ASH2L: variants seen among roughly 807,000 people sequenced by gnomAD.
ASH2L encodes the protein set1/Ash2 histone methyltransferase complex subunit ASH2.
ASH2L carries 30 observed loss-of-function variants against 81.1 expected under a neutral mutation model. The observed-to-expected ratio is 0.37, with a 90% CI of 0.28 to 0.50. The LOEUF (loss-of-function observed/expected upper bound fraction) is 0.50, where lower values mean the gene tolerates loss of function less well. Ranked by LOEUF, ASH2L falls within the 20% of genes least tolerant of loss-of-function variation. The pLI is 0.95. For missense variants in ASH2L, 559 were observed against 792.1 expected (o/e 0.71, Z 3.53); for synonymous variants, 273 against 279.9 (o/e 0.98, Z 0.24).
In ASH2L at chr8:38,121,113, T is replaced by G; in HGVS notation, c.1129T>G (p.Leu377Val). Residue 377 changes from leucine (L) to valine (V), a missense_variant, in exon 10 of 16, where the codon TTG becomes GTG. Leu to Val is a conservative substitution (Grantham distance 32). Coordinates refer to ENST00000343823, the MANE Select transcript of ASH2L (RefSeq NM_004674.5). ...PIPGDLYRAC[L>V]YERVLLALHD... ...TCCTGGAGACCTCTACAGAGCCTGC[T>G]TGTATGAACGGGTTTTGTTAGCCCT... 1 of 1,613,648 alleles carries G rather than the reference T, an allele frequency of 6.2e-7. No homozygotes were observed. Among genetic ancestry groups the G allele is most frequent in the Non-Finnish European group, 8.5e-7 (1 of 1,179,900 alleles).
chr8:38,105,869 G>A, intron 1 of ASH2L, 131 bp downstream of exon 1: 1 of 1,438,220 alleles, frequency 7.0e-7, no homozygotes, highest in Non-Finnish European at 9.1e-7. Flanking sequence ...CCCTGCCTCT[G>A]CGCCGCTTGG....
At chr8:38,108,214 A>C (rs1448075748) in intron 3 of ASH2L, among the ~76,000 whole-genome samples, 1 of 151,842 alleles carries the variant, frequency 6.6e-6, no homozygotes, top group East Asian at 1.9e-4. Flanking sequence ...TTTTAAAAAG[A>C]AAGAAAAATA....
intron 10 of ASH2L, among the ~76,000 whole-genome samples, chr8:38,126,289 C>T (rs1801842320): frequency 6.6e-6 from 1 of 151,790 alleles, no homozygotes; most frequent in South Asian, 2.1e-4. Flanking sequence ...TTCAAAGTGT[C>T]AAGCTTATGA....
chr8:38,132,955 G>A (rs955687017), intron 12 of ASH2L, among the ~76,000 whole-genome samples: 4 of 151,956 alleles, frequency 2.6e-5, no homozygotes, highest in African/African-American at 7.3e-5. Flanking sequence ...AAAATTAGCC[G>A]GGTGTGGTGT....
At chr8:38,106,507 T>C in intron 2 of ASH2L, 63 bp downstream of exon 2, 2 of 215,502 alleles carry the variant, frequency 9.3e-6, no homozygotes, top group South Asian at 1.0e-4. Flanking sequence ...CTTCTTCTTC[T>C]TTTTTTTTTT....
Position 38,106,390 on chromosome 8 carries a change from G to T in ASH2L, c.201G>T (p.Leu67Phe), listed in dbSNP as rs1810434379. 3.7e-6 allele frequency: 6 copies of T among 1,613,952 alleles called. No individual in the cohort carries two copies. The highest frequency in any genetic ancestry group is 5.1e-6 in the Non-Finnish European group (6 of 1,179,974). ...CATTATCTTATAGGGAGGCAAACTT[G>T]GTCGATGTAAGCGGTGGCTTGGAGA... Reference protein sequence around the residue: ...SGEAEGGEANLVDVSGGLETE... With the variant: ...SGEAEGGEANFVDVSGGLETE... The change falls in exon 2 of 16, where the codon TTG becomes TTT. Residue 67 changes from leucine (L) to phenylalanine (F), a missense_variant. By Grantham distance (22) the Leu-to-Phe change is conservative. This residue lies in a region of ASH2L where 145 missense variants were observed against 115.5 expected (regional missense o/e 1.26). Transcript: ENST00000343823.
Position 38,139,065 on chromosome 8 carries a change from A to G in ASH2L, c.1881A>G (p.Glu627=), listed in dbSNP as rs377623070. 14 of 1,586,112 alleles carry G rather than the reference A, an allele frequency of 8.8e-6. No individual in the cohort carries two copies. The African/African-American group carries it at 1.3e-4, about 15-fold the overall frequency. ...EVDGRRSPPW[E]P is the part of the protein sequence containing the mutation. The stretch of plus-strand genomic sequence containing the variant: ...ATGGGAGGCGCAGTCCCCCATGGGA[A>G]CCCTGACCAGGTCCCTCTTTTCTGT... Residue 627 remains glutamate, a synonymous_variant, in exon 16 of 16, where the codon GAA becomes GAG. Transcript: ENST00000343823.
At chr8:38,117,861 C>T (rs912592250) in intron 8 of ASH2L, 2 of 152,150 alleles carry the variant, frequency 1.3e-5, no homozygotes, top group Admixed American at 6.6e-5. Flanking sequence ...AGTTTGAGAC[C>T]AGCCTGGCCA....
chr8:38,119,894 G>T (rs965898179), intron 9 of ASH2L, among the ~76,000 whole-genome samples: 10 of 152,160 alleles, frequency 6.6e-5, no homozygotes, highest in African/African-American at 2.4e-4. Context: ...TGAGACAGGT[G>T]AATCACCTGA....
chr8:38,107,717 ACTGT>A (rs770438500), intron 3 of ASH2L, among the ~76,000 whole-genome samples: 1 of 151,968 alleles, frequency 6.6e-6, no homozygotes, highest in Non-Finnish European at 1.5e-5. Context: ...CCTTATACTG[ACTGT>A]CTGTTGGAAT....
At chr8:38,110,932 A>G in intron 5 of ASH2L, 99 bp downstream of exon 5, 1 of 983,868 alleles carries the variant, frequency 1.0e-6, no homozygotes, top group African/African-American at 1.6e-5. Flanking sequence ...TTTTTATTGA[A>G]TATATGACAG....
chr8:38,135,996 C>T (rs185650316), intron 14 of ASH2L, among the ~76,000 whole-genome samples: 9 of 151,892 alleles, frequency 5.9e-5, no homozygotes, highest in Admixed American at 2.0e-4. Context: ...CCCTTGAGCA[C>T]GTGGTGTGGT....
intron 5 of ASH2L, among the ~76,000 whole-genome samples, chr8:38,112,704 TTA>T (rs1462184552): frequency 6.6e-6 from 1 of 152,218 alleles, no homozygotes; most frequent in Admixed American, 6.5e-5. Flanking sequence ...GGGAGCATTT[TTA>T]TCTTTGTGCT....
At chr8:38,131,514 C>T (rs531738056) in intron 12 of ASH2L, among the ~76,000 whole-genome samples, 1 of 152,114 alleles carries the variant, frequency 6.6e-6, no homozygotes, top group Admixed American at 6.5e-5. Context: ...GATGTGATGG[C>T]ACACTCCTGT....
intron 5 of ASH2L, among the ~76,000 whole-genome samples, chr8:38,111,084 G>A (rs1360955435): frequency 1.3e-5 from 2 of 152,164 alleles, no homozygotes; most frequent in Admixed American, 1.3e-4. Flanking sequence ...ACAGGCATGC[G>A]CCACCACGCC....
chr8:38,124,693 C>T (rs537047189), intron 10 of ASH2L: 1 of 152,280 alleles, frequency 6.6e-6, no homozygotes, highest in African/African-American at 2.4e-5. Context: ...GGGTTCTCCC[C>T]TGATTATTTA....
At chr8:38,108,659 A>G (rs1475668792) in intron 3 of ASH2L, among the ~76,000 whole-genome samples, 2 of 151,986 alleles carry the variant, frequency 1.3e-5, no homozygotes, top group African/African-American at 4.8e-5. Context: ...CACCAGAAAA[A>G]AAAATACAAA....
intron 5 of ASH2L, among the ~76,000 whole-genome samples, chr8:38,113,640 G>A (rs1452506161): frequency 6.6e-6 from 1 of 152,154 alleles, no homozygotes; most frequent in Non-Finnish European, 1.5e-5. Flanking sequence ...AAATTTATTT[G>A]GTGAGCATTT....
chr8:38,136,772 CAA>C (rs77626059), intron 14 of ASH2L, among the ~76,000 whole-genome samples: 33 of 118,922 alleles, frequency 2.8e-4, no homozygotes, highest in Non-Finnish European at 2.7e-4. Flanking sequence ...GACTCTGTGT[CAA>C]AAAAAAAAAA....
Sources: allele counts gnomAD v4.1 joint callset (sites outside exome capture counted in the v4.1 genomes callset), GRCh38; gene constraint gnomAD v4.1.1; regional missense constraint gnomAD v4.1.1; transcripts MANE v1.5; gene names NCBI Gene and HGNC (gene_info 2026-07-23, HGNC 2026-07-21).